DNAH5: variants seen among roughly 807,000 people sequenced by gnomAD.
DNAH5 encodes axonemal beta dynein heavy chain 5.
A neutral mutation model predicts 518.2 loss-of-function variants in DNAH5; 372 were observed. The observed-to-expected ratio is 0.72, with a 90% CI of 0.66 to 0.78. DNAH5 has a LOEUF of 0.78. DNAH5 is among the 30% of genes least tolerant of loss of function. The pLI is 0.00. For missense variants in DNAH5, 5,523 were observed against 5,687.0 expected, an observed-to-expected ratio of 0.97 and a Z score of 0.93; for synonymous variants, 2,039 against 2,025.9, an observed-to-expected ratio of 1.01 and a Z score of -0.17.
intron 1 of DNAH5, among the ~76,000 whole-genome samples, chr5:13,960,727 T>C (rs1191328790): frequency 6.6e-6 from 1 of 152,170 alleles, no homozygotes; most frequent in Non-Finnish European, 1.5e-5. Flanking sequence ...CTCACCTCCC[T>C]GGGAGTCCCT....
intron 53 of DNAH5, among the ~76,000 whole-genome samples, chr5:13,780,323 G>C (rs777010452): frequency 6.6e-6 from 1 of 152,212 alleles, no homozygotes; most frequent in African/African-American, 2.4e-5. Context: ...TACTGGGTGA[G>C]TTGGGTTGCT....
chr5:13,752,810 A>C (rs1160943866), intron 63 of DNAH5, among the ~76,000 whole-genome samples: 2 of 152,242 alleles, frequency 1.3e-5, no homozygotes, highest in Non-Finnish European at 2.9e-5. Flanking sequence ...GTTGTTTAAC[A>C]AACTATCATT....
At chr5:13,882,846 G>T (rs757364977) in intron 20 of DNAH5, 31 bp from the exon 21 acceptor site, 14 of 1,613,352 alleles carry the variant, frequency 8.7e-6, no homozygotes, top group Admixed American at 5.0e-5. Flanking sequence ...TTTCAGTTCT[G>T]TCCTATCTGT....
chr5:13,721,378 TAGA>T, intron 70 of DNAH5, 133 bp from the exon 71 acceptor site: 1 of 1,030,604 alleles, frequency 9.7e-7, no homozygotes, highest in Non-Finnish European at 1.5e-6. Context: ...GCAAACAGGG[TAGA>T]GACTGTTTTT....
At chr5:13,704,127 C>T (rs1325498306) in intron 76 of DNAH5, among the ~76,000 whole-genome samples, 5 of 152,320 alleles carry the variant, frequency 3.3e-5, no homozygotes, top group African/African-American at 1.2e-4. Flanking sequence ...GCTATAACAG[C>T]AGCTCCTGAA....
chr5:13,897,294 G>GT (rs947649302), intron 15 of DNAH5, among the ~76,000 whole-genome samples: 4 of 151,650 alleles, frequency 2.6e-5, no homozygotes, highest in Non-Finnish European at 4.4e-5. Context: ...TCCACTGCTT[G>GT]TTTTTTTTCA....
chr5:13,915,753 A>C (rs1422523200), intron 9 of DNAH5, among the ~76,000 whole-genome samples: 1 of 152,120 alleles, frequency 6.6e-6, no homozygotes, highest in Non-Finnish European at 1.5e-5. Context: ...GATAATGAAA[A>C]AGTCATTTAC....
chr5:13,817,518 C>A (rs190880886), intron 42 of DNAH5, 30 bp downstream of exon 42: 7 of 1,608,548 alleles, frequency 4.4e-6, no homozygotes, highest in Admixed American at 1.7e-5. Flanking sequence ...GAAGTATAAT[C>A]AAAAATAATC....
In DNAH5 at chr5:13,824,217, G is replaced by A. The variant is rs113138669; in HGVS notation, c.6561C>T (p.Asp2187=). ...ESTIVMRVLR[D]MNLSKLIDED... The stretch of plus-strand genomic sequence containing the variant: ...GTCTTACCAGTTTAGAAAGATTCAT[G>A]TCCCGTAGTACACGCATGACAATCG... Residue 2187 remains aspartate, a synonymous_variant, in exon 39 of 79, where the codon GAC becomes GAT. Transcript: ENST00000265104. 1 of 1,614,050 alleles carries A rather than the reference G, an allele frequency of 6.2e-7. No individual in the cohort carries two copies. The highest frequency in any genetic ancestry group is 8.5e-7 in the Non-Finnish European group (1 of 1,179,988).
At chr5:13,847,266 A>G (rs549111078) in intron 31 of DNAH5, among the ~76,000 whole-genome samples, 9 of 152,232 alleles carry the variant, frequency 5.9e-5, no homozygotes, top group South Asian at 2.1e-4. Context: ...TATATTGCTT[A>G]TAACCTCTTC....
chr5:13,904,785 C>T (rs1580824300), intron 12 of DNAH5, among the ~76,000 whole-genome samples: 1 of 152,072 alleles, frequency 6.6e-6, no homozygotes, highest in African/African-American at 2.4e-5. Context: ...GTGGCATGCA[C>T]CTGTAGTCTC....
chr5:13,968,578 A>AT (rs1781681883), intron 1 of DNAH5, among the ~76,000 whole-genome samples: 1 of 151,814 alleles, frequency 6.6e-6, no homozygotes, highest in Non-Finnish European at 1.5e-5. Context: ...TGATCATGTG[A>AT]TTTTTCTTTT....
chr5:13,814,751 C>T lies in DNAH5; in HGVS notation c.7084G>A (p.Ala2362Thr), dbSNP rs764282848. Reference sequence around the variant, plus strand: ...GCCATGGGAATCCGATCACCATTGGCAAGGGTTAGAGTTTTGTTATCATCC... The same window carrying T: ...GCCATGGGAATCCGATCACCATTGGTAAGGGTTAGAGTTTTGTTATCATCC... ...VLDDNKTLTL[A>T]NGDRIPMAPN... Residue 2362 changes from alanine to threonine, a missense_variant, in exon 43 of 79, where the codon GCC becomes ACC. Ala to Thr is a moderately conservative substitution (Grantham distance 58). Coordinates refer to ENST00000265104, the MANE Select transcript of DNAH5 (RefSeq NM_001369.3). 2 of 1,613,940 alleles carry T rather than the reference C, an allele frequency of 1.2e-6. No individual in the cohort carries two copies. Among genetic ancestry groups the T allele is most frequent in the South Asian group, 2.2e-5 (2 of 91,072 alleles).
intron 74 of DNAH5, 121 bp downstream of exon 74, chr5:13,716,366 G>A: frequency 1.4e-6 from 1 of 732,290 alleles, no homozygotes; most frequent in Non-Finnish European, 2.4e-6. Context: ...CACAGCAAAA[G>A]CATTAGTATA....
intron 78 of DNAH5, among the ~76,000 whole-genome samples, chr5:13,694,754 C>T (rs1384472855): frequency 6.6e-6 from 1 of 152,144 alleles, no homozygotes; most frequent in Non-Finnish European, 1.5e-5. Flanking sequence ...TTTAACCACC[C>T]TTTTGCTAAC....
Position 13,976,100 on chromosome 5 carries a change from C to A in DNAH5, c.12+35548G>T, listed in dbSNP as rs1782220864. Among the ~76,000 whole-genome samples, 2 of 152,168 alleles carry A rather than the reference C, an allele frequency of 1.3e-5. 1 individual carries two copies. Among genetic ancestry groups the A allele is most frequent in the African/African-American group, 4.8e-5 (2 of 41,436 alleles). On this transcript the variant is annotated intron_variant, in intron 1 of 78. Coordinates refer to the DNAH5 transcript ENST00000681290. ...CAGTGTGAGACATTGAAGTCCAAGT[C>A]CAAGATAATCACAAGCACACTTTGT...
At chr5:13,904,884 C>G (rs1283586368) in intron 12 of DNAH5, among the ~76,000 whole-genome samples, 1 of 151,914 alleles carries the variant, frequency 6.6e-6, no homozygotes, top group Non-Finnish European at 1.5e-5. Context: ...GCACTCCAGC[C>G]TGGGTGACAG....
intron 63 of DNAH5, among the ~76,000 whole-genome samples, chr5:13,752,924 C>A (rs1487577732): frequency 6.6e-6 from 1 of 152,196 alleles, no homozygotes; most frequent in Non-Finnish European, 1.5e-5. Flanking sequence ...AGGAAGTATT[C>A]ATGCAAAGTG....
chr5:13,894,829 G>T lies in DNAH5; in HGVS notation c.2260-8C>A. The T allele has an allele frequency of 6.2e-7, 1 of 1,612,572 alleles. No homozygotes were observed. The highest frequency in any genetic ancestry group is 2.2e-5 in the East Asian group (1 of 44,880). On this transcript the variant is annotated splice_region_variant and splice_polypyrimidine_tract_variant and intron_variant, in intron 15 of 78. Coordinates refer to ENST00000265104, the MANE Select transcript of DNAH5 (RefSeq NM_001369.3). ...ATATTCAGCTAGCATCATCTGCAAT[G>T]AAATTGGGGTTAAGTAATCAATTAA...
Sources: gnomAD v4.1 joint callset for allele counts (sites outside exome capture counted in the v4.1 genomes callset) on GRCh38, gnomAD v4.1.1 for gene constraint, MANE v1.5 for transcripts, NCBI Gene and HGNC (gene_info 2026-07-23, HGNC 2026-07-21) for gene names.